The following DCHS2 variants were observed in gnomAD, a reference collection of about 807,000 sequenced individuals.
DCHS2 encodes dachsous cadherin-related 2.
In DCHS2, 142 loss-of-function variants were observed where a neutral mutation model predicts 182.4. The ratio of observed to expected loss-of-function variants is 0.78; its 90% CI spans 0.68 to 0.89. DCHS2 has a LOEUF of 0.89. Ranked by LOEUF, DCHS2 falls within the 40% of genes least tolerant of loss-of-function variation. The pLI, the probability that DCHS2 is intolerant of heterozygous loss-of-function variation, is 0.00. For missense variants in DCHS2, 4,319 were observed against 4,198.6 expected (o/e 1.03, Z -0.79); for synonymous variants, 1,740 against 1,663.3 (o/e 1.05, Z -1.12).
At position 154,490,493 on chromosome 4, in the gene DCHS2, T is replaced by C. The variant is rs1227898873; in HGVS notation, c.863A>G (p.Asp288Gly). 1.3e-6 allele frequency: 2 copies of C among 1,536,862 alleles called. No homozygotes were observed. The highest frequency in any genetic ancestry group is 3.9e-5 in the Admixed American group (2 of 50,954). ...GLLSVELRVL[D>G]ENDNPPVFEQ... Reference sequence around the variant, plus strand: ...AAAGACCGGCGGGTTGTCGTTCTCATCCAGCACGCGCAGCTCCACGCTCAG... The same window carrying C: ...AAAGACCGGCGGGTTGTCGTTCTCACCCAGCACGCGCAGCTCCACGCTCAG... The change falls in exon 1 of 20, where the codon GAT (aspartate) becomes GGT (glycine). Residue 288 changes from aspartate to glycine, a missense_variant. Transcript: ENST00000357232.
intron 13 of DCHS2, among the ~76,000 whole-genome samples, chr4:154,276,752 A>G (rs1733870706): frequency 1.3e-5 from 2 of 152,232 alleles, no homozygotes; most frequent in African/African-American, 4.8e-5. Context: ...CTTAACAAGA[A>G]CATATGTTCC....
chr4:154,469,807 G>T (rs1231363170), intron 1 of DCHS2, among the ~76,000 whole-genome samples: 1 of 152,118 alleles, frequency 6.6e-6, no homozygotes, highest in Non-Finnish European at 1.5e-5. Context: ...TTATCATTCA[G>T]TTCTCAACTG....
intron 1 of DCHS2, among the ~76,000 whole-genome samples, chr4:154,463,331 T>TC (rs1355166825): frequency 6.6e-6 from 1 of 152,000 alleles, no homozygotes; most frequent in Non-Finnish European, 1.5e-5. Flanking sequence ...TAGGCTTTTT[T>TC]CCCCCAATAT....
chr4:154,314,676 A>G (rs1291201099), intron 10 of DCHS2, among the ~76,000 whole-genome samples: 1 of 152,204 alleles, frequency 6.6e-6, no homozygotes, highest in Admixed American at 6.5e-5. Context: ...TGCTATTATT[A>G]ATACTATTTC....
intron 1 of DCHS2, among the ~76,000 whole-genome samples, chr4:154,469,746 CT>C (rs1735382736): frequency 6.6e-6 from 1 of 152,134 alleles, no homozygotes; most frequent in Non-Finnish European, 1.5e-5. Flanking sequence ...CTTACTGGTC[CT>C]TTTCACCTTC....
intron 1 of DCHS2, among the ~76,000 whole-genome samples, chr4:154,456,006 C>T (rs1734749161): frequency 6.6e-6 from 1 of 151,934 alleles, no homozygotes; most frequent in Non-Finnish European, 1.5e-5. Context: ...AAGAGAATTG[C>T]TTGAACCTGG....
chr4:154,240,574 T>C lies in DCHS2; in HGVS notation c.7322A>G (p.Asn2441Ser). 1.9e-6 allele frequency: 3 copies of C among 1,613,812 alleles called. No individual in the cohort carries two copies. The change falls in exon 18 of 20, where the codon AAT (asparagine) becomes AGT (serine). Residue 2441 changes from asparagine (N) to serine (S), a missense_variant. Transcript: ENST00000357232. The part of the protein sequence containing the change: ...GALVVRVLDV[N>S]DNPPVFSQDF... ...TTGAGAAAACACTGGTGGATTATCATTGACATCCAGCACACGGACTACAAG... is the reference window on the plus strand; with the variant it reads ...TTGAGAAAACACTGGTGGATTATCACTGACATCCAGCACACGGACTACAAG...
chr4:154,323,334 C>CAAAA (rs145036588), intron 7 of DCHS2: 27 of 1,440,608 alleles, frequency 1.9e-5, no homozygotes, highest in African/African-American at 6.4e-5. Context: ...GTCTAGCTGC[C>CAAAA]AAAAAAAAAA....
At chr4:154,280,351 G>A (rs941222828) in intron 13 of DCHS2, among the ~76,000 whole-genome samples, 1 of 152,056 alleles carries the variant, frequency 6.6e-6, no homozygotes, top group Non-Finnish European at 1.5e-5. Flanking sequence ...GAAGAGGAGA[G>A]AATACTTTGA....
At position 154,234,819 on chromosome 4, in the gene DCHS2, G is replaced by C. The variant is rs752327210; in HGVS notation, c.9833C>G (p.Pro3278Arg). 1.9e-6 allele frequency: 3 copies of C among 1,613,842 alleles called. No individual in the cohort carries two copies. The highest frequency in any genetic ancestry group is 2.5e-6 in the Non-Finnish European group (3 of 1,179,934). ...PKEKKSFVFP[P>R]PLITAVAQPG... Reference sequence around the variant, plus strand: ...CTGGGCTACTGCTGTTATCAAAGGGGGTGGAAAAACAAAAGATTTCTTCTC... The same window carrying C: ...CTGGGCTACTGCTGTTATCAAAGGGCGTGGAAAAACAAAAGATTTCTTCTC... Residue 3278 changes from proline to arginine, a missense_variant, in exon 20 of 20, where the codon CCC becomes CGC. Pro to Arg is a moderately radical substitution (Grantham distance 103). Transcript: ENST00000357232.
chr4:154,281,125 C>A (rs56374044), intron 13 of DCHS2, among the ~76,000 whole-genome samples: 3 of 152,014 alleles, frequency 2.0e-5, no homozygotes, highest in Non-Finnish European at 4.4e-5. Flanking sequence ...GTATGCCCAG[C>A]CAGAATGCCC....
intron 1 of DCHS2, among the ~76,000 whole-genome samples, chr4:154,421,838 A>G (rs1042174977): frequency 6.6e-6 from 1 of 152,030 alleles, no homozygotes; most frequent in Non-Finnish European, 1.5e-5. Context: ...CTCTCTTTCT[A>G]TTTTCTCACT....
intron 3 of DCHS2, among the ~76,000 whole-genome samples, chr4:154,343,154 CTGTAG>C (rs974360321): frequency 1.3e-5 from 2 of 152,054 alleles, no homozygotes; most frequent in African/African-American, 4.8e-5. Flanking sequence ...GTAAACCAGG[CTGTAG>C]ACAGATGATA....
intron 13 of DCHS2, among the ~76,000 whole-genome samples, chr4:154,273,392 TGGG>T (rs1369169211): frequency 6.6e-6 from 1 of 152,104 alleles, no homozygotes; most frequent in Non-Finnish European, 1.5e-5. Flanking sequence ...CATTCGTATG[TGGG>T]AGCTAAGCTA....
chr4:154,464,721 T>C (rs1464638894), intron 1 of DCHS2, among the ~76,000 whole-genome samples: 5 of 152,140 alleles, frequency 3.3e-5, no homozygotes, highest in Non-Finnish European at 2.9e-5. Flanking sequence ...AACTAGAGAC[T>C]GAGGCTGAAC....
intron 1 of DCHS2, among the ~76,000 whole-genome samples, chr4:154,454,507 T>C (rs935408699): frequency 1.3e-5 from 2 of 152,214 alleles, no homozygotes; most frequent in African/African-American, 4.8e-5. Context: ...CATATGGACT[T>C]AAAAATTATT....
intron 5 of DCHS2, among the ~76,000 whole-genome samples, chr4:154,330,853 A>T: frequency 6.6e-6 from 1 of 152,164 alleles, no homozygotes; most frequent in East Asian, 1.9e-4. Context: ...TGCTTTTTTT[A>T]AATTCCAAAC....
intron 1 of DCHS2, among the ~76,000 whole-genome samples, chr4:154,424,422 G>A (rs1733238646): frequency 6.6e-6 from 1 of 152,154 alleles, no homozygotes; most frequent in African/African-American, 2.4e-5. Flanking sequence ...AAAAGAAAAT[G>A]AGACAATTAG....
chr4:154,249,351 C>T (rs1344954681), intron 16 of DCHS2, among the ~76,000 whole-genome samples: 1 of 152,092 alleles, frequency 6.6e-6, no homozygotes, highest in Non-Finnish European at 1.5e-5. Flanking sequence ...GATCACTAAT[C>T]ATCAGAGAAA....
Sources: allele counts gnomAD v4.1 joint callset (sites outside exome capture counted in the v4.1 genomes callset), GRCh38; gene constraint gnomAD v4.1.1; transcripts MANE v1.5; gene names NCBI Gene and HGNC (gene_info 2026-07-23, HGNC 2026-07-21).